PRTFDC1: variants seen among roughly 807,000 people sequenced by gnomAD.
PRTFDC1 encodes phosphoribosyltransferase domain-containing protein 1.
PRTFDC1 carries 38 observed loss-of-function variants against 34.6 expected under a neutral mutation model. The observed-to-expected ratio is 1.10, with a 90% CI of 0.85 to 1.44. The LOEUF (loss-of-function observed/expected upper bound fraction) is 1.44, where lower values mean the gene tolerates loss of function less well. PRTFDC1 is among the 40% of genes most tolerant of loss of function. The pLI is 0.00. For missense variants in PRTFDC1, 270 were observed against 283.0 expected (o/e 0.95, Z 0.33); for synonymous variants, 93 against 98.1 (o/e 0.95, Z 0.31).
Position 24,848,986 on chromosome 10 carries a change from T to A in PRTFDC1, c.*858A>T, listed in dbSNP as rs1017912295. 1.3e-5 allele frequency: 2 copies of A among 152,260 alleles called. No homozygotes were observed. Among genetic ancestry groups the A allele is most frequent in the African/African-American group, 4.8e-5 (2 of 41,470 alleles). 9.4% of individuals were successfully genotyped at this position (152,260 alleles called of 1,614,324 possible). ...CAGGGCATAACAGTGTCTTGTCCTT[T>A]CATGCAAATAAGAGGAAAAATTTAT... On this transcript the variant is annotated 3_prime_UTR_variant, in exon 9 of 9. Coordinates refer to ENST00000320152, the MANE Select transcript of PRTFDC1 (RefSeq NM_020200.7).
chr10:24,882,815 T>C (rs1266911237), intron 3 of PRTFDC1, among the ~76,000 whole-genome samples: 1 of 151,180 alleles, frequency 6.6e-6, no homozygotes, highest in Non-Finnish European at 1.5e-5. Context: ...ATCCTCAAAA[T>C]GTTAAAAAAA....
intron 4 of PRTFDC1, among the ~76,000 whole-genome samples, chr10:24,863,435 T>C (rs1051008447): frequency 2.0e-5 from 3 of 152,196 alleles, no homozygotes; most frequent in African/African-American, 7.2e-5. Context: ...TTTCAAAATA[T>C]TATGCTCATT....
chr10:24,904,166 A>G (rs546571934), intron 3 of PRTFDC1, among the ~76,000 whole-genome samples: 142 of 152,176 alleles, frequency 9.3e-4, no homozygotes, highest in African/African-American at 3.3e-3. Context: ...TGTGGATGAA[A>G]TTTATCTGAT....
chr10:24,868,240 A>G (rs1847818499), intron 4 of PRTFDC1: 1 of 152,160 alleles, frequency 6.6e-6, no homozygotes, highest in South Asian at 2.1e-4. Flanking sequence ...TTAGTCACAA[A>G]CCCTTCTATT....
intron 4 of PRTFDC1, among the ~76,000 whole-genome samples, chr10:24,859,901 T>C (rs934562540): frequency 1.3e-5 from 2 of 152,196 alleles, no homozygotes; most frequent in Admixed American, 6.6e-5. Flanking sequence ...ATTAAACTTA[T>C]TACTGAGTTA....
At chr10:24,880,074 A>C (rs1441648571) in intron 3 of PRTFDC1, among the ~76,000 whole-genome samples, 1 of 152,116 alleles carries the variant, frequency 6.6e-6, no homozygotes, top group Non-Finnish European at 1.5e-5. Context: ...TCAGCGCTTC[A>C]GTTTCCTTAT....
chr10:24,897,283 A>G (rs1324940081), intron 3 of PRTFDC1, among the ~76,000 whole-genome samples: 1 of 152,200 alleles, frequency 6.6e-6, no homozygotes, highest in Non-Finnish European at 1.5e-5. Flanking sequence ...CCTTGGAGTC[A>G]GTTAAAAGGC....
chr10:24,901,488 G>A (rs1052048110), intron 3 of PRTFDC1, among the ~76,000 whole-genome samples: 3 of 152,082 alleles, frequency 2.0e-5, no homozygotes, highest in Non-Finnish European at 2.9e-5. Flanking sequence ...ACTTTGGGAG[G>A]CCAAAGCGAG....
intron 3 of PRTFDC1, among the ~76,000 whole-genome samples, chr10:24,906,961 A>G (rs913694433): frequency 6.6e-6 from 1 of 152,252 alleles, no homozygotes; most frequent in Non-Finnish European, 1.5e-5. Context: ...ATATCATTAT[A>G]TACATTTAGC....
At chr10:24,876,663 C>T (rs568266301) in intron 3 of PRTFDC1, among the ~76,000 whole-genome samples, 2 of 152,064 alleles carry the variant, frequency 1.3e-5, no homozygotes, top group South Asian at 2.1e-4. Flanking sequence ...CACTGTACTC[C>T]AGCCTGTGTG....
At chr10:24,932,777 A>G (rs908691565) in intron 3 of PRTFDC1, among the ~76,000 whole-genome samples, 8 of 152,234 alleles carry the variant, frequency 5.3e-5, no homozygotes, top group African/African-American at 1.4e-4. Context: ...GAAATCAGCT[A>G]CATGATATTA....
chr10:24,922,225 AT>A (rs1309150148), intron 3 of PRTFDC1, among the ~76,000 whole-genome samples: 5 of 152,240 alleles, frequency 3.3e-5, no homozygotes, highest in Non-Finnish European at 5.9e-5. Context: ...CTAACATAAA[AT>A]AAGGATAATT....
At chr10:24,872,952 C>T (rs1847903428) in intron 3 of PRTFDC1, among the ~76,000 whole-genome samples, 1 of 151,044 alleles carries the variant, frequency 6.6e-6, no homozygotes, top group Non-Finnish European at 1.5e-5. Flanking sequence ...AGACTACAGA[C>T]AGGCACATAC....
At chr10:24,918,737 C>T (rs922743096) in intron 3 of PRTFDC1, among the ~76,000 whole-genome samples, 15 of 152,240 alleles carry the variant, frequency 9.9e-5, no homozygotes, top group African/African-American at 3.1e-4. Flanking sequence ...TTTCAATAGA[C>T]GTTCCAAGAC....
At chr10:24,865,621 C>G (rs1847761102) in intron 4 of PRTFDC1, among the ~76,000 whole-genome samples, 1 of 151,774 alleles carries the variant, frequency 6.6e-6, no homozygotes, top group African/African-American at 2.4e-5. Context: ...AAGGGGTTTC[C>G]TAACAAAAAA....
intron 4 of PRTFDC1, chr10:24,867,505 T>C (rs1011296516): frequency 2.6e-5 from 4 of 152,204 alleles, no homozygotes; most frequent in African/African-American, 9.6e-5. Flanking sequence ...CAGCTCTTCA[T>C]TGAGACTTTC....
intron 7 of PRTFDC1, among the ~76,000 whole-genome samples, chr10:24,854,154 T>C (rs1411350112): frequency 6.6e-6 from 1 of 152,222 alleles, no homozygotes; most frequent in Non-Finnish European, 1.5e-5. Context: ...GCTGTTATTA[T>C]AAGTGATATA....
chr10:24,923,729 C>T (rs1588616332), intron 3 of PRTFDC1, among the ~76,000 whole-genome samples: 1 of 152,088 alleles, frequency 6.6e-6, no homozygotes, highest in African/African-American at 2.4e-5. Flanking sequence ...TTCCAAAAAC[C>T]AGAGTTCTTC....
intron 3 of PRTFDC1, among the ~76,000 whole-genome samples, chr10:24,907,291 T>C (rs1848551767): frequency 6.6e-6 from 1 of 152,170 alleles, no homozygotes; most frequent in African/African-American, 2.4e-5. Flanking sequence ...AGAATTTCTG[T>C]AGAATAAAAG....
Sources: allele counts gnomAD v4.1 joint callset (sites outside exome capture counted in the v4.1 genomes callset), GRCh38; gene constraint gnomAD v4.1.1; transcripts MANE v1.5; gene names NCBI Gene and HGNC (gene_info 2026-07-23, HGNC 2026-07-21).